Variants in ADCY3 observed in about 807,000 individuals in gnomAD.
The protein encoded by ADCY3 is adenylate cyclase 3.
In ADCY3, 70 loss-of-function variants were observed where a neutral mutation model predicts 119.4. The observed-to-expected ratio is 0.59, with a 90% CI of 0.48 to 0.72. The LOEUF (loss-of-function observed/expected upper bound fraction) is 0.72, where lower values mean the gene tolerates loss of function less well. Ranked by LOEUF, ADCY3 falls within the 30% of genes least tolerant of loss-of-function variation. The pLI is 0.00. For synonymous variants in ADCY3, 672 were observed against 621.4 expected (o/e 1.08, Z -1.21); for missense variants, 1,238 against 1,541.6 (o/e 0.80, Z 3.30).
intron 11 of ADCY3, among the ~76,000 whole-genome samples, chr2:24,832,433 C>A (rs987448110): frequency 1.3e-5 from 2 of 152,166 alleles, no homozygotes; most frequent in Non-Finnish European, 2.9e-5. Flanking sequence ...TGACAGCCAC[C>A]CCCAGCTTCA....
intron 3 of ADCY3, among the ~76,000 whole-genome samples, chr2:24,862,811 C>A (rs796956945): frequency 5.3e-5 from 8 of 151,934 alleles, no homozygotes; most frequent in African/African-American, 1.9e-4. Context: ...AAAAAAAGTC[C>A]CAGATTAAGG....
intron 3 of ADCY3, among the ~76,000 whole-genome samples, chr2:24,865,459 T>C (rs376643324): frequency 6.7e-6 from 1 of 150,356 alleles, no homozygotes; most frequent in African/African-American, 2.5e-5. Flanking sequence ...GAAAAATAGA[T>C]TTAGTACAAA....
In ADCY3 at chr2:24,872,683, C is replaced by A; in HGVS notation, c.712G>T (p.Ala238Ser). The A allele has an allele frequency of 6.2e-7, 1 of 1,614,168 alleles. No individual in the cohort carries two copies. The highest frequency in any genetic ancestry group is 8.5e-7 in the Non-Finnish European group (1 of 1,180,030). ...ANVFLYLCAI[A>S]VGIMSYYMAD... Reference sequence around the variant, plus strand: ...ATGTAGTAGGACATGATGCCCACAGCGATGGCGCACAGGTAGAGGAAGACG... The same window carrying A: ...ATGTAGTAGGACATGATGCCCACAGAGATGGCGCACAGGTAGAGGAAGACG... The change falls in exon 3 of 22, where the codon GCT becomes TCT. Residue 238 changes from alanine (A) to serine (S), a missense_variant. This residue lies in a region of ADCY3 where 283 missense variants were observed against 437.2 expected (regional missense o/e 0.65). Coordinates refer to ENST00000679454, the MANE Select transcript of ADCY3 (RefSeq NM_004036.5). The surrounding 1 kb of genome is among the most constrained non-coding windows in gnomAD (Gnocchi z 4.4).
Position 24,827,934 on chromosome 2 carries a change from A to G in ADCY3, c.2400T>C (p.Asp800=), listed in dbSNP as rs1234288586. 1.2e-6 allele frequency: 2 copies of G among 1,614,224 alleles called. No homozygotes were observed. Among genetic ancestry groups the G allele is most frequent in the Non-Finnish European group, 1.7e-6 (2 of 1,180,038 alleles). The change falls in exon 14 of 22, where the codon GAT becomes GAC. Residue 800 remains aspartate, a synonymous_variant. Coordinates refer to ENST00000679454, the MANE Select transcript of ADCY3 (RefSeq NM_004036.5). ...CCCGAAAACGCTTGTGGTCGTATTC[A>G]TCAAAGACGGGACGCCAGGCATAGA... ...INLYAWRPVF[D]EYDHKRFREH...
At chr2:24,867,504 T>A (rs1344839) in intron 3 of ADCY3, among the ~76,000 whole-genome samples, 1 of 152,160 alleles carries the variant, frequency 6.6e-6, no homozygotes, top group African/African-American at 2.4e-5. Context: ...GGTGCCTTGA[T>A]CTTGGACTTC....
intron 3 of ADCY3, among the ~76,000 whole-genome samples, chr2:24,858,043 G>GGC (rs149426803): frequency 0.023 from 3,296 of 145,234 alleles, 144 homozygotes; most frequent in African/African-American, 0.082. Flanking sequence ...CTGTCTCCCA[G>GGC]GCTGGAGTGC....
intron 16 of ADCY3, among the ~76,000 whole-genome samples, chr2:24,824,787 G>A (rs1668353128): frequency 6.6e-6 from 1 of 152,180 alleles, no homozygotes; most frequent in Non-Finnish European, 1.5e-5. Flanking sequence ...TACTCGGGAG[G>A]CTGAGGCAGG....
chr2:24,837,372 G>A lies in ADCY3; in HGVS notation c.1534-327C>T, dbSNP rs147163643. Among the ~76,000 whole-genome samples the A allele has an allele frequency of 4.4e-3, 669 of 152,318 alleles. 4 individuals are homozygous for A. Among genetic ancestry groups the A allele is most frequent in the African/African-American group, 0.015 (616 of 41,558 alleles). ...TACAAATGGAGACGTACAAGTGGCT[G>A]TATGTTGAGTGCAGGGAAGACACTG... On this transcript the variant is annotated intron_variant, in intron 8 of 21. Transcript: ENST00000679454.
intron 2 of ADCY3, among the ~76,000 whole-genome samples, chr2:24,901,126 C>T (rs563746652): frequency 2.6e-5 from 4 of 152,246 alleles, no homozygotes. Context: ...AGGTCAGAGC[C>T]GAGCAGGAAG....
chr2:24,829,612 G>A (rs1023645181), intron 13 of ADCY3, among the ~76,000 whole-genome samples: 21 of 151,288 alleles, frequency 1.4e-4, no homozygotes, highest in African/African-American at 2.2e-4. Flanking sequence ...TAGTAGAGAC[G>A]GGGTTTCAAC....
In ADCY3 at chr2:24,898,789, C is replaced by T. The variant is rs550077605; in HGVS notation, c.675+19524G>A. On this transcript the variant is annotated intron_variant, in intron 2 of 21. Transcript: ENST00000679454. This position sits in a 1 kb window ranked among gnomAD's most constrained non-coding sequence, Gnocchi z 4.3. ...AACAGAATTCCTAAGACTGGGAGAA[C>T]AAAAGCAAAATTTACCACGCAACCA... Among the ~76,000 whole-genome samples, 131 of 152,264 alleles carry T rather than the reference C, an allele frequency of 8.6e-4. No homozygotes were observed. Among genetic ancestry groups the T allele is most frequent in the African/African-American group, 3.0e-3 (126 of 41,550 alleles).
At chr2:24,820,648 G>T in intron 21 of ADCY3, 76 bp downstream of exon 21, 1 of 1,587,216 alleles carries the variant, frequency 6.3e-7, no homozygotes, top group Non-Finnish European at 8.6e-7. Context: ...GGAGGCAGGG[G>T]CACGTGGGAA....
Position 24,819,911 on chromosome 2 carries a change from C to A in ADCY3, c.*21G>T. On this transcript the variant is annotated 3_prime_UTR_variant, in exon 22 of 22. Transcript: ENST00000679454. ...AATAAATTCTCCCTTCCGGTTTGGA[C>A]TGTTGCAGGCTCGAGGCCATTCAGG... 1 of 1,609,714 alleles carries A rather than the reference C, an allele frequency of 6.2e-7. No homozygotes were observed.
Position 24,821,584 on chromosome 2 carries a change from C to T in ADCY3, c.3060G>A (p.Ala1020=), listed in dbSNP as rs549333173. 508 of 1,614,110 alleles carry T rather than the reference C, an allele frequency of 3.1e-4. 3 individuals carry two copies. In the South Asian group the frequency reaches 5.1e-3, roughly 16 times the overall value. ...TGGTGAGCGTATCCTTCATGGCCAG[C>T]GCGAAGTCGGCCAGGTCAGCCAGGT... is the stretch of plus-strand genomic sequence containing the variant. ...WQHLADLADF[A]LAMKDTLTNI... is the part of the protein sequence containing the mutation. The change falls in exon 20 of 22, where the codon GCG becomes GCA. Residue 1020 remains alanine (A), a synonymous_variant. Coordinates refer to ENST00000679454, the MANE Select transcript of ADCY3 (RefSeq NM_004036.5).
At chr2:24,883,355 A>C (rs1676640702) in intron 2 of ADCY3, among the ~76,000 whole-genome samples, 1 of 101,458 alleles carries the variant, frequency 9.9e-6, no homozygotes, top group Admixed American at 8.0e-5. Flanking sequence ...CTCAAAAAAA[A>C]TAAAAAAAAG....
rs554679517 is a variant in ADCY3, at chr2:24,837,210, T to G, written c.1534-165A>C. The stretch of plus-strand genomic sequence containing the variant: ...TGAGGCGTCAAGGATGATTTCAAAC[T>G]TTTTGGTCTGAGCAGTTGTTAATAA... On this transcript the variant is annotated intron_variant, in intron 8 of 21. Transcript: ENST00000679454. Among the ~76,000 whole-genome samples the G allele has an allele frequency of 7.9e-5, 12 of 152,270 alleles. No individual in the cohort carries two copies. The East Asian group carries it at 2.1e-3, about 27-fold the overall frequency.
Position 24,831,646 on chromosome 2 carries a change from G to A in ADCY3, c.2055+16C>T. On this transcript the variant is annotated intron_variant, in intron 12 of 21. Transcript: ENST00000679454. ...CTTCCAGAGGCTTCTGAGCTCAGTA[G>A]AAAAGTGCCTCTTACCCGGGGAAAG... is the stretch of plus-strand genomic sequence containing the variant. 6.2e-7 allele frequency: 1 copy of A among 1,609,808 alleles called. No individual in the cohort carries two copies. Among genetic ancestry groups the A allele is most frequent in the Non-Finnish European group, 8.5e-7 (1 of 1,176,478 alleles).
intron 15 of ADCY3, among the ~76,000 whole-genome samples, chr2:24,826,894 TG>T (rs1668702765): frequency 6.6e-6 from 1 of 152,106 alleles, no homozygotes; most frequent in Non-Finnish European, 1.5e-5. Context: ...CCACCAGGAG[TG>T]TAAGAGTTAC....
chr2:24,906,813 G>A (rs1679494400), intron 2 of ADCY3, among the ~76,000 whole-genome samples: 1 of 152,186 alleles, frequency 6.6e-6, no homozygotes, highest in African/African-American at 2.4e-5. Flanking sequence ...TGGTGACCAG[G>A]CCTTGAGCAA....
Sources: allele counts gnomAD v4.1 joint callset (sites outside exome capture counted in the v4.1 genomes callset), GRCh38; gene constraint gnomAD v4.1.1; regional missense constraint gnomAD v4.1.1; non-coding constraint Gnocchi (gnomAD v3.1); transcripts MANE v1.5; gene names NCBI Gene and HGNC (gene_info 2026-07-23, HGNC 2026-07-21).